Variants in CLEC12A observed in about 807,000 individuals in gnomAD.
CLEC12A encodes C-type lectin protein CLL-1.
Under a neutral mutation model 26.5 loss-of-function variants are expected in CLEC12A, and 22 were observed. The ratio of observed to expected loss-of-function variants is 0.83; its 90% CI spans 0.59 to 1.19. The LOEUF (loss-of-function observed/expected upper bound fraction) is 1.19. Ranked by LOEUF, CLEC12A falls within the 50% of genes most tolerant of loss-of-function variation. The pLI is 0.00. For missense variants in CLEC12A, 353 were observed against 315.6 expected, an observed-to-expected ratio of 1.12 and a Z score of -0.90; for synonymous variants, 119 against 101.9, an observed-to-expected ratio of 1.17 and a Z score of -1.01.
chr12:9,994,874 C>G, intron 4 of CLEC12A: 1 of 692,958 alleles, frequency 1.4e-6, no homozygotes, highest in Non-Finnish European at 2.2e-6. Context: ...TACATGCACA[C>G]AGTGTTCCAT....
At chr12:9,960,731 C>A (rs1015302219) in intron 1 of CLEC12A, among the ~76,000 whole-genome samples, 1 of 152,118 alleles carries the variant, frequency 6.6e-6, no homozygotes, top group Non-Finnish European at 1.5e-5. Context: ...TAGAAATGGA[C>A]CCTGTCTGGT....
chr12:9,952,508 G>T, intron 1 of CLEC12A: 1 of 151,830 alleles, frequency 6.6e-6, no homozygotes, highest in Middle Eastern at 3.2e-3. Flanking sequence ...GTGCAGTGGC[G>T]TGATCTCGGC....
exon 5 of CLEC12A, chr12:9,995,603 T>C (rs1333505352): frequency 1.5e-5 from 5 of 342,282 alleles, no homozygotes; most frequent in Non-Finnish European, 2.8e-5. Flanking sequence ...AAGAAATACA[T>C]TGTTGATGAG....
downstream of CLEC12A, among the ~76,000 whole-genome samples, chr12:9,987,803 CT>C (rs959513990): frequency 6.6e-6 from 1 of 151,470 alleles, no homozygotes; most frequent in African/African-American, 2.4e-5. Flanking sequence ...TTCTTTCTTT[CT>C]TTTATTTATT....
At chr12:9,961,704 A>G (rs1159274526) in intron 1 of CLEC12A, among the ~76,000 whole-genome samples, 6 of 146,992 alleles carry the variant, frequency 4.1e-5, no homozygotes, top group Admixed American at 2.8e-4. Flanking sequence ...TTTTTAATAC[A>G]TAAGGCCTGT....
chr12:9,955,867 A>T (rs541841464), intron 1 of CLEC12A, among the ~76,000 whole-genome samples: 134 of 152,360 alleles, frequency 8.8e-4, no homozygotes, highest in Non-Finnish European at 5.7e-4. Context: ...ACATATCAAG[A>T]AAAGCCAAGA....
Position 9,979,468 on chromosome 12 carries a change from C to T in CLEC12A, c.323C>T (p.Thr108Ile). 2 of 1,613,398 alleles carry T rather than the reference C, an allele frequency of 1.2e-6. No individual in the cohort carries two copies. The highest frequency in any genetic ancestry group is 1.7e-6 in the Non-Finnish European group (2 of 1,179,634). ...TCCAACAAGATCAGGAACCTCTCCACCACACTGCAAACAATAGCCACCAAA... is the reference window on the plus strand; with the variant it reads ...TCCAACAAGATCAGGAACCTCTCCATCACACTGCAAACAATAGCCACCAAA... ...NISNKIRNLS[T>I]TLQTIATKLC... The change falls in exon 3 of 6, where the codon ACC becomes ATC. Residue 108 changes from threonine (T) to isoleucine (I), a missense_variant. Coordinates refer to ENST00000304361, the MANE Select transcript of CLEC12A (RefSeq NM_138337.6).
intron 1 of CLEC12A, among the ~76,000 whole-genome samples, chr12:9,961,622 G>A (rs774622579): frequency 1.6e-4 from 24 of 152,028 alleles, no homozygotes; most frequent in African/African-American, 3.4e-4. Context: ...AAGGTTTACC[G>A]CTTATATTCT....
chr12:9,971,447 T>C lies in CLEC12A; in HGVS notation c.-150T>C. ...ACATATGGGTGATTGGTACAGTAGG[T>C]TTATAAACAGAAGTTTAAACTTGTA... On this transcript the variant is annotated 5_prime_UTR_variant, in exon 1 of 6. Transcript: ENST00000304361. 1 of 1,367,786 alleles carries C rather than the reference T, an allele frequency of 7.3e-7. No homozygotes were observed. The highest frequency in any genetic ancestry group is 9.4e-7 in the Non-Finnish European group (1 of 1,062,146). The allele number at this position is 1,367,786 out of a possible 1,614,324, so 84.7% of individuals were successfully genotyped here.
chr12:9,994,001 C>T (rs1349131299), intron 4 of CLEC12A, among the ~76,000 whole-genome samples: 1 of 151,750 alleles, frequency 6.6e-6, no homozygotes, highest in Non-Finnish European at 1.5e-5. Context: ...GTAAGAAGCC[C>T]ACAAAAAATA....
downstream of CLEC12A, chr12:9,997,281 T>C (rs1865078701): frequency 6.2e-7 from 1 of 1,607,806 alleles, no homozygotes; most frequent in Non-Finnish European, 8.5e-7. Flanking sequence ...GCATGACAGC[T>C]AGGTTTAAAA....
intron 1 of CLEC12A, among the ~76,000 whole-genome samples, chr12:9,958,743 TC>T (rs1863782937): frequency 6.6e-6 from 1 of 152,276 alleles, no homozygotes; most frequent in Admixed American, 6.5e-5. Context: ...TGAAGAAACT[TC>T]CCAGGCTTCC....
intron 4 of CLEC12A, chr12:9,992,879 T>C (rs1864924692): frequency 5.6e-6 from 2 of 357,026 alleles, no homozygotes; most frequent in South Asian, 1.1e-4. Context: ...AATCATACCA[T>C]GTTCAGGTAA....
chr12:10,003,701 C>T, the CLEC12A span, among the ~76,000 whole-genome samples: 5 of 152,038 alleles, frequency 3.3e-5, no homozygotes, highest in Non-Finnish European at 7.4e-5. Flanking sequence ...ACTGCTTGAG[C>T]TCAGGAGTTT....
Sources: gnomAD v4.1 joint callset for allele counts (sites outside exome capture counted in the v4.1 genomes callset) on GRCh38, gnomAD v4.1.1 for gene constraint, MANE v1.5 for transcripts, NCBI Gene and HGNC (gene_info 2026-07-23, HGNC 2026-07-21) for gene names.